Variants in LGSN observed in about 807,000 individuals in gnomAD.
LGSN encodes lengsin, lens protein with glutamine synthetase domain, also known as lengsin.
Under a neutral mutation model 19.5 loss-of-function variants are expected in LGSN, and 21 were observed. The ratio of observed to expected loss-of-function variants is 1.07; its 90% CI spans 0.76 to 1.55. LGSN has a LOEUF of 1.55. LGSN is among the 40% of genes most tolerant of loss of function. The pLI is 0.00. For missense variants in LGSN, 673 were observed against 608.5 expected, an observed-to-expected ratio of 1.11 and a Z score of -1.12; for synonymous variants, 257 against 215.6, an observed-to-expected ratio of 1.19 and a Z score of -1.68.
At chr6:63,456,384 TA>T in the LGSN span, among the ~76,000 whole-genome samples, 1 of 128,112 alleles carries the variant, frequency 7.8e-6, no homozygotes, top group African/African-American at 3.1e-5. Flanking sequence ...TATATATATA[TA>T]TATATATACT....
the LGSN span, among the ~76,000 whole-genome samples, chr6:63,412,483 GAAGAAAGAAAGA>G: frequency 2.3e-3 from 121 of 52,864 alleles, 1 homozygote; most frequent in South Asian, 6.2e-3. Flanking sequence ...AGAAGAAAGA[GAAGAAAGAAAGA>G]AAGAAAGAAA....
At chr6:63,319,865 T>C in intron 1 of LGSN, 49 bp downstream of exon 1, 3 of 1,342,630 alleles carry the variant, frequency 2.2e-6, no homozygotes, top group Admixed American at 1.7e-5. Context: ...TTTAAAAAGA[T>C]TTACTGTCAA....
At chr6:63,471,746 G>A in the LGSN span, among the ~76,000 whole-genome samples, 1 of 151,860 alleles carries the variant, frequency 6.6e-6, no homozygotes, top group African/African-American at 2.4e-5. Flanking sequence ...ATTGAATTAT[G>A]GCCTCCCAAA....
the LGSN span, among the ~76,000 whole-genome samples, chr6:63,500,553 C>G: frequency 6.6e-6 from 1 of 151,840 alleles, no homozygotes; most frequent in Non-Finnish European, 1.5e-5. Flanking sequence ...TCCCAGGTAG[C>G]TGGGATTGCA....
chr6:63,479,916 A>G, the LGSN span, among the ~76,000 whole-genome samples: 3 of 152,140 alleles, frequency 2.0e-5, no homozygotes, highest in Admixed American at 6.5e-5. Context: ...TTTGCCAGGT[A>G]CCTCTCTAGT....
chr6:63,392,881 CTTTTTT>C, the LGSN span, among the ~76,000 whole-genome samples: 3 of 109,912 alleles, frequency 2.7e-5, no homozygotes, highest in African/African-American at 1.2e-4. Context: ...TCTTCTTCTT[CTTTTTT>C]TTTTTTTTTT....
chr6:63,379,134 C>T, the LGSN span, among the ~76,000 whole-genome samples: 1 of 152,002 alleles, frequency 6.6e-6, no homozygotes, highest in African/African-American at 2.4e-5. Context: ...CCCCATCCCT[C>T]AATTAAAAGC....
chr6:63,385,374 T>C, the LGSN span, among the ~76,000 whole-genome samples: 4 of 152,236 alleles, frequency 2.6e-5, no homozygotes, highest in Non-Finnish European at 4.4e-5. Context: ...CTGAATTAAC[T>C]AAACTTAGAT....
intron 1 of LGSN, among the ~76,000 whole-genome samples, chr6:63,308,250 C>G (rs1160138970): frequency 3.9e-5 from 6 of 152,144 alleles, no homozygotes; most frequent in African/African-American, 1.4e-4. Context: ...TTTCCACTAT[C>G]GTTTCGTCAG....
At position 63,279,048 on chromosome 6, in the gene LGSN, G is replaced by A. The variant is rs187016045; in HGVS notation, c.*973C>T. On this transcript the variant is annotated 3_prime_UTR_variant, in exon 4 of 4. Transcript: ENST00000370657. ...TACAATATTATCTCATTCAAACAAA[G>A]GCCTGGAACAGGTAATATTCTCTGG... is the stretch of plus-strand genomic sequence containing the variant. 2 of 152,296 alleles carry A rather than the reference G, an allele frequency of 1.3e-5. No individual in the cohort carries two copies. The highest frequency in any genetic ancestry group is 3.9e-4 in the East Asian group (2 of 5,182). 9.4% of individuals were successfully genotyped at this position (152,296 alleles called of 1,614,324 possible).
chr6:63,465,721 A>G, the LGSN span, among the ~76,000 whole-genome samples: 1 of 152,204 alleles, frequency 6.6e-6, no homozygotes, highest in Admixed American at 6.5e-5. Context: ...AGAACCCATT[A>G]TTAAACTTTC....
chr6:63,536,519 A>G, the LGSN span, among the ~76,000 whole-genome samples: 3 of 152,248 alleles, frequency 2.0e-5, no homozygotes, highest in Admixed American at 6.5e-5. Context: ...ATTCAAAAAC[A>G]TCTGAACTCA....
chr6:63,377,660 C>T, the LGSN span, among the ~76,000 whole-genome samples: 1 of 151,984 alleles, frequency 6.6e-6, no homozygotes, highest in Admixed American at 6.6e-5. Context: ...CACCTGTAAT[C>T]CCAGCACTTT....
At chr6:63,286,443 A>T (rs780415277) in intron 2 of LGSN, among the ~76,000 whole-genome samples, 1 of 152,180 alleles carries the variant, frequency 6.6e-6, no homozygotes, top group Non-Finnish European at 1.5e-5. Context: ...GACTTTTAAG[A>T]TAGTTTGAAA....
At chr6:63,546,729 G>A in the LGSN span, among the ~76,000 whole-genome samples, 5 of 152,122 alleles carry the variant, frequency 3.3e-5, no homozygotes, top group African/African-American at 1.2e-4. Flanking sequence ...TAGAGTACAA[G>A]CTTTCAGTTA....
the LGSN span, among the ~76,000 whole-genome samples, chr6:63,434,935 C>A: frequency 6.6e-6 from 1 of 152,214 alleles, no homozygotes; most frequent in Admixed American, 6.5e-5. Flanking sequence ...TTTCCCTGTT[C>A]TCTCTTCTTT....
At chr6:63,468,470 C>G in the LGSN span, among the ~76,000 whole-genome samples, 1 of 152,002 alleles carries the variant, frequency 6.6e-6, no homozygotes, top group South Asian at 2.1e-4. Flanking sequence ...CTCTGTTGCC[C>G]AGGCTGGAAT....
upstream of LGSN, among the ~76,000 whole-genome samples, chr6:63,323,576 A>G (rs112430017): frequency 2.0e-4 from 29 of 143,358 alleles, no homozygotes; most frequent in African/African-American, 8.4e-4. Context: ...ACACACACAC[A>G]CACACACACA....
the LGSN span, among the ~76,000 whole-genome samples, chr6:63,346,654 A>G: frequency 6.6e-6 from 1 of 152,220 alleles, no homozygotes; most frequent in Non-Finnish European, 1.5e-5. Flanking sequence ...CCAGCCGGTC[A>G]GAAGTTCCCA....
Sources: gnomAD v4.1 joint callset for allele counts (sites outside exome capture counted in the v4.1 genomes callset) on GRCh38, gnomAD v4.1.1 for gene constraint, MANE v1.5 for transcripts, NCBI Gene and HGNC (gene_info 2026-07-23, HGNC 2026-07-21) for gene names.